The following LEKR1 variants were observed in gnomAD, a reference collection of about 807,000 sequenced individuals.
LEKR1 encodes leucine, glutamate and lysine rich 1.
A neutral mutation model predicts 72.4 loss-of-function variants in LEKR1; 59 were observed. The observed-to-expected ratio is 0.82, with a 90% CI of 0.66 to 1.01. The LOEUF is 1.01. LEKR1 is among the 50% of genes least tolerant of loss of function. The probability of loss-of-function intolerance (pLI) is 0.00; values close to 1 mark genes in which losing one functional copy is unlikely to be tolerated. For missense variants in LEKR1, 728 were observed against 759.2 expected (o/e 0.96, Z 0.48); for synonymous variants, 257 against 263.2 (o/e 0.98, Z 0.23).
chr3:156,990,724 C>T (rs190996038), intron 7 of LEKR1, among the ~76,000 whole-genome samples: 35 of 152,298 alleles, frequency 2.3e-4, no homozygotes, highest in East Asian at 1.5e-3. Context: ...GTAGAAGCCC[C>T]TTCAAACTGG....
intron 3 of LEKR1, among the ~76,000 whole-genome samples, chr3:156,893,558 CAGTA>C (rs138070032): frequency 0.024 from 3,695 of 152,102 alleles, 139 homozygotes; most frequent in East Asian, 0.16. Flanking sequence ...GTCCTCACCA[CAGTA>C]AGTGAGTTCT....
At chr3:156,934,500 A>G (rs1725522753) in intron 5 of LEKR1, among the ~76,000 whole-genome samples, 2 of 152,204 alleles carry the variant, frequency 1.3e-5, no homozygotes, top group South Asian at 4.1e-4. Context: ...AACCAAAGGC[A>G]AATTTAATGT....
intron 2 of LEKR1, among the ~76,000 whole-genome samples, chr3:156,840,955 G>A (rs532851522): frequency 1.3e-5 from 2 of 151,870 alleles, no homozygotes; most frequent in South Asian, 2.1e-4. Context: ...GAAAATAAAA[G>A]AAACAAAGCA....
At chr3:157,040,898 T>TTCTG (rs1482710998) in intron 12 of LEKR1, among the ~76,000 whole-genome samples, 42 of 152,282 alleles carry the variant, frequency 2.8e-4, no homozygotes, top group African/African-American at 1.0e-3. Flanking sequence ...AACAATCAAG[T>TTCTG]TACACAGTAA....
intron 3 of LEKR1, among the ~76,000 whole-genome samples, chr3:156,895,653 C>T (rs1721107245): frequency 6.6e-6 from 1 of 151,920 alleles, no homozygotes; most frequent in Non-Finnish European, 1.5e-5. Flanking sequence ...ATAAACACCA[C>T]AGTGAGATAC....
chr3:156,847,053 C>G (rs898358579), intron 2 of LEKR1, among the ~76,000 whole-genome samples: 6 of 152,102 alleles, frequency 3.9e-5, no homozygotes, highest in African/African-American at 1.4e-4. Flanking sequence ...AGCAATCCAC[C>G]TACCTCGGCC....
At chr3:157,003,562 G>A (rs1452894731) in intron 9 of LEKR1, among the ~76,000 whole-genome samples, 5 of 152,060 alleles carry the variant, frequency 3.3e-5, no homozygotes, top group African/African-American at 4.8e-5. Context: ...GCATTCCTTA[G>A]CTCCTGGCCA....
chr3:156,875,577 G>A (rs1718456625), intron 3 of LEKR1, among the ~76,000 whole-genome samples: 1 of 151,976 alleles, frequency 6.6e-6, no homozygotes, highest in Admixed American at 6.6e-5. Context: ...TTGCTTTTGG[G>A]TTCTTGGTCA....
intron 3 of LEKR1, among the ~76,000 whole-genome samples, chr3:156,861,740 A>G (rs753949511): frequency 6.6e-6 from 1 of 152,106 alleles, no homozygotes; most frequent in Non-Finnish European, 1.5e-5. Context: ...TTTTTTGTCT[A>G]GATGTGTAAG....
intron 4 of LEKR1, among the ~76,000 whole-genome samples, chr3:156,921,343 A>C (rs983320555): frequency 4.7e-5 from 7 of 148,844 alleles, no homozygotes; most frequent in East Asian, 1.9e-4. Context: ...ATGACTAAAA[A>C]AGTATGCTGG....
intron 9 of LEKR1, among the ~76,000 whole-genome samples, chr3:157,000,372 T>A (rs1243061857): frequency 6.6e-6 from 1 of 152,134 alleles, no homozygotes; most frequent in African/African-American, 2.4e-5. Context: ...TAGTATTAGA[T>A]AAGAAAAAGG....
In LEKR1 at chr3:156,993,056, T is replaced by C; in HGVS notation, c.906-18T>C. 2.7e-6 allele frequency: 4 copies of C among 1,465,164 alleles called. No homozygotes were observed. The highest frequency in any genetic ancestry group is 3.7e-6 in the Non-Finnish European group (4 of 1,069,722). 90.8% of individuals were successfully genotyped at this position (1,465,164 alleles called of 1,614,324 possible). A position where few individuals can be genotyped will look rare whatever the true frequency, so the allele number is the denominator to read the frequency against. ...TATATAATGTATGTTGGTGGGTGTTTTTCCTATTTCTTTTTAGGCATACTA... is the reference window on the plus strand; with the variant it reads ...TATATAATGTATGTTGGTGGGTGTTCTTCCTATTTCTTTTTAGGCATACTA... On this transcript the variant is annotated intron_variant, in intron 8 of 12. Transcript: ENST00000356539.
At chr3:156,840,375 C>T (rs571946070) in intron 2 of LEKR1, among the ~76,000 whole-genome samples, 1 of 152,338 alleles carries the variant, frequency 6.6e-6, no homozygotes, top group South Asian at 2.1e-4. Context: ...TGTTAGTTCA[C>T]ATCTGTACCC....
intron 3 of LEKR1, among the ~76,000 whole-genome samples, chr3:156,893,456 C>T (rs935040679): frequency 2.6e-5 from 4 of 152,162 alleles, no homozygotes; most frequent in Non-Finnish European, 5.9e-5. Context: ...CTGCAAACCT[C>T]ATGTTGAAAT....
intron 3 of LEKR1, among the ~76,000 whole-genome samples, chr3:156,867,232 ATAAG>A (rs1717415439): frequency 6.6e-6 from 1 of 152,100 alleles, no homozygotes; most frequent in Admixed American, 6.6e-5. Context: ...ATAGCTTATT[ATAAG>A]TAAGACGACT....
rs138509996 is a variant in LEKR1, at chr3:156,845,863, T to C, written c.49-6905T>C. Reference sequence around the variant, plus strand: ...AATAACTCTTTCTATATATAAAATATCTTGCTGAGATTTTGATAGAAATTG... The same window carrying C: ...AATAACTCTTTCTATATATAAAATACCTTGCTGAGATTTTGATAGAAATTG... On this transcript the variant is annotated intron_variant, in intron 2 of 12. Coordinates refer to ENST00000356539, the MANE Select transcript of LEKR1 (RefSeq NM_001004316.3). 2.9e-3 allele frequency among the ~76,000 whole-genome samples: 437 copies of C among 152,304 alleles called. 1 individual carries two copies. Among genetic ancestry groups the C allele is most frequent in the African/African-American group, 0.01 (416 of 41,578 alleles).
chr3:157,012,054 G>T (rs543192243), intron 10 of LEKR1, among the ~76,000 whole-genome samples: 1 of 151,974 alleles, frequency 6.6e-6, no homozygotes, highest in Non-Finnish European at 1.5e-5. Flanking sequence ...AGTTTTCAAA[G>T]TTTCAACAAT....
At chr3:157,037,499 T>C (rs1160928025) in intron 12 of LEKR1, among the ~76,000 whole-genome samples, 1 of 152,140 alleles carries the variant, frequency 6.6e-6, no homozygotes, top group African/African-American at 2.4e-5. Flanking sequence ...TTAATGAGAT[T>C]TTCTTTTCAG....
intron 3 of LEKR1, among the ~76,000 whole-genome samples, chr3:156,869,938 C>A (rs1304760970): frequency 1.3e-5 from 2 of 152,030 alleles, no homozygotes; most frequent in Admixed American, 6.6e-5. Context: ...CCCAATTTTC[C>A]CGGTACCATT....
Sources: allele counts gnomAD v4.1 joint callset (sites outside exome capture counted in the v4.1 genomes callset), GRCh38; gene constraint gnomAD v4.1.1; transcripts MANE v1.5; gene names NCBI Gene and HGNC (gene_info 2026-07-23, HGNC 2026-07-21).